The following ZNF782 variants were observed in gnomAD, a reference collection of about 807,000 sequenced individuals.
The protein encoded by ZNF782 is zinc finger protein 782.
Under a neutral mutation model 13.0 loss-of-function variants are expected in ZNF782, and 12 were observed. The ratio of observed to expected loss-of-function variants is 0.92; its 90% CI spans 0.59 to 1.50. The LOEUF is 1.50. Ranked by LOEUF, ZNF782 falls within the 40% of genes most tolerant of loss-of-function variation. The pLI is 0.00. For synonymous variants in ZNF782, 284 were observed against 283.0 expected, an observed-to-expected ratio of 1.00 and a Z score of -0.04; for missense variants, 770 against 822.9, an observed-to-expected ratio of 0.94 and a Z score of 0.79.
chr9:96,875,991 TTCGCAGCGTTTTCTCTATTGGA>T (rs1231361604), upstream of ZNF782, among the ~76,000 whole-genome samples: 1 of 152,238 alleles, frequency 6.6e-6, no homozygotes, highest in African/African-American at 2.4e-5. Flanking sequence ...CACGACTTAC[TTCGCAGCGTTTTCTCTATTGGA>T]TGATTGGAAG....
upstream of ZNF782, among the ~76,000 whole-genome samples, chr9:96,879,401 G>A (rs1243528860): frequency 3.3e-5 from 5 of 152,212 alleles, no homozygotes; most frequent in African/African-American, 1.2e-4. Context: ...TACTCGGGAG[G>A]CTGAGGCAGG....
intron 4 of ZNF782, among the ~76,000 whole-genome samples, chr9:96,828,846 G>C (rs1244418145): frequency 1.3e-5 from 2 of 151,894 alleles, no homozygotes; most frequent in Non-Finnish European, 2.9e-5. Context: ...TAAATGCCAA[G>C]AGGAAACATA....
the ZNF782 span, among the ~76,000 whole-genome samples, chr9:96,923,125 T>C: frequency 6.8e-6 from 1 of 147,112 alleles, no homozygotes. Flanking sequence ...CACTGAAAAA[T>C]ACAAGCACAT....
At chr9:96,820,610 C>T (rs141227637) in intron 5 of ZNF782, among the ~76,000 whole-genome samples, 66 of 149,524 alleles carry the variant, frequency 4.4e-4, no homozygotes, top group African/African-American at 1.5e-3. Context: ...AGTATAGTGG[C>T]GTGATCTTGG....
the ZNF782 span, among the ~76,000 whole-genome samples, chr9:96,926,591 T>C: frequency 6.6e-6 from 1 of 151,200 alleles, no homozygotes; most frequent in African/African-American, 2.4e-5. Flanking sequence ...TGTGGAGGCA[T>C]TTCATAGAAA....
the ZNF782 span, among the ~76,000 whole-genome samples, chr9:96,911,499 G>GTTTTTT: frequency 7.5e-6 from 1 of 133,714 alleles, no homozygotes; most frequent in East Asian, 2.5e-4. Flanking sequence ...TTTCTTACAA[G>GTTTTTT]TTTTTTTTTT....
intron 4 of ZNF782, 63 bp from the exon 5 acceptor site, chr9:96,827,244 GA>G: frequency 8.0e-7 from 1 of 1,247,364 alleles, no homozygotes; most frequent in Non-Finnish European, 1.1e-6. Flanking sequence ...TTCTGAATGT[GA>G]AGAAGGTACA....
At chr9:96,835,072 C>T (rs962016126) in intron 4 of ZNF782, among the ~76,000 whole-genome samples, 1 of 152,188 alleles carries the variant, frequency 6.6e-6, no homozygotes, top group African/African-American at 2.4e-5. Flanking sequence ...AAAAGGCCAT[C>T]CTTTTTACAC....
the ZNF782 span, among the ~76,000 whole-genome samples, chr9:96,898,522 A>C: frequency 6.7e-6 from 1 of 149,140 alleles, no homozygotes; most frequent in African/African-American, 2.5e-5. Context: ...AATATACCTA[A>C]CAAAAATTTA....
intron 4 of ZNF782, among the ~76,000 whole-genome samples, chr9:96,829,142 GA>G (rs1172555437): frequency 4.1e-5 from 6 of 146,800 alleles, no homozygotes; most frequent in Admixed American, 6.8e-5. Flanking sequence ...TGTATTACGA[GA>G]AATGTTAAAT....
intron 3 of ZNF782, among the ~76,000 whole-genome samples, chr9:96,846,722 A>T (rs1333312570): frequency 2.6e-5 from 4 of 152,342 alleles, no homozygotes; most frequent in Middle Eastern, 3.4e-3. Flanking sequence ...AAGAAATGAG[A>T]TAGACAGCAA....
upstream of ZNF782, among the ~76,000 whole-genome samples, chr9:96,876,628 A>G (rs1851894885): frequency 6.6e-6 from 1 of 152,184 alleles, no homozygotes; most frequent in South Asian, 2.1e-4. Context: ...AAAGAATAGT[A>G]CCTGTGACCC....
chr9:96,926,398 G>C, the ZNF782 span, among the ~76,000 whole-genome samples: 2 of 152,226 alleles, frequency 1.3e-5, no homozygotes, highest in African/African-American at 4.8e-5. Flanking sequence ...TTTGGTTTTG[G>C]TAAGTTTACC....
Position 96,818,554 on chromosome 9 carries a change from A to T in ZNF782, c.1469T>A (p.Met490Lys), listed in dbSNP as rs764993611. 6.2e-7 allele frequency: 1 copy of T among 1,610,598 alleles called. No homozygotes were observed. Among genetic ancestry groups the T allele is most frequent in the Non-Finnish European group, 8.5e-7 (1 of 1,178,814 alleles). ...TCTTCGGTGATTCCTTAGGCCTGAC[A>T]TATGGCTGAAAGATTTCCCGCATTC... is the stretch of plus-strand genomic sequence containing the variant. The part of the protein sequence containing the change: ...CNECGKSFSH[M>K]SGLRNHRRTH... Residue 490 changes from methionine (M) to lysine (K), a missense_variant, in exon 6 of 6, where the codon ATG (methionine) becomes AAG (lysine). Met to Lys is a moderately conservative substitution (Grantham distance 95). Transcript: ENST00000481138.
chr9:96,843,708 CAT>C (rs1006386723), intron 4 of ZNF782, among the ~76,000 whole-genome samples: 6 of 152,144 alleles, frequency 3.9e-5, no homozygotes, highest in African/African-American at 1.4e-4. Context: ...AGTTATAAAA[CAT>C]GTAACCTTTG....
chr9:96,818,376 G>A lies in ZNF782; in HGVS notation c.1647C>T (p.Leu549=). 1 of 1,613,294 alleles carries A rather than the reference G, an allele frequency of 6.2e-7. No individual in the cohort carries two copies. Among genetic ancestry groups the A allele is most frequent in the Non-Finnish European group, 8.5e-7 (1 of 1,179,786 alleles). Residue 549 remains leucine (L), a synonymous_variant, in exon 6 of 6, where the codon CTC becomes CTT. Coordinates refer to ENST00000481138, the MANE Select transcript of ZNF782 (RefSeq NM_001001662.3). ...CTGTGTGAATTCTATGATGTCCTCTGAGTTGTGATTTCTGACCGAAAGCTT... is the reference window on the plus strand; with the variant it reads ...CTGTGTGAATTCTATGATGTCCTCTAAGTTGTGATTTCTGACCGAAAGCTT... ...CGKAFGQKSQ[L]RGHHRIHTGE...
chr9:96,832,980 C>A, intron 4 of ZNF782, among the ~76,000 whole-genome samples: 1 of 152,014 alleles, frequency 6.6e-6, no homozygotes, highest in East Asian at 1.9e-4. Context: ...GGGTTCTGTT[C>A]ATTTTTATTC....
intron 4 of ZNF782, among the ~76,000 whole-genome samples, chr9:96,838,478 A>G (rs928127522): frequency 3.3e-5 from 5 of 152,180 alleles, no homozygotes; most frequent in Admixed American, 3.3e-4. Context: ...TCCCTATTTT[A>G]ATTGTAGATT....
chr9:96,922,344 T>C, the ZNF782 span, among the ~76,000 whole-genome samples: 1 of 152,328 alleles, frequency 6.6e-6, no homozygotes, highest in Non-Finnish European at 1.5e-5. Context: ...TGTTATACCT[T>C]GTTGCTTCTA....
Sources: gnomAD v4.1 joint callset for allele counts (sites outside exome capture counted in the v4.1 genomes callset) on GRCh38, gnomAD v4.1.1 for gene constraint, MANE v1.5 for transcripts, NCBI Gene and HGNC (gene_info 2026-07-23, HGNC 2026-07-21) for gene names.